Variants in MBNL2 observed in about 807,000 individuals in gnomAD.
The protein encoded by MBNL2 is muscleblind like splicing regulator 2, also known as muscleblind-like protein 2.
In MBNL2, 17 loss-of-function variants were observed where a neutral mutation model predicts 41.9. The ratio of observed to expected loss-of-function variants is 0.41; its 90% CI spans 0.28 to 0.61. The LOEUF is 0.61. Ranked by LOEUF, MBNL2 falls within the 20% of genes least tolerant of loss-of-function variation. MBNL2 has a pLI of 0.35. For missense variants in MBNL2, 336 were observed against 505.6 expected (o/e 0.66, Z 3.22); for synonymous variants, 195 against 182.9 (o/e 1.07, Z -0.53).
At chr13:97,317,941 A>C (rs2153035287) in intron 2 of MBNL2, among the ~76,000 whole-genome samples, 1 of 152,378 alleles carries the variant, frequency 6.6e-6, no homozygotes, top group South Asian at 2.1e-4. Flanking sequence ...CTCAAAGATA[A>C]GAACAGTTTG....
At chr13:97,271,975 G>A (rs891296803) in intron 1 of MBNL2, among the ~76,000 whole-genome samples, 1 of 152,090 alleles carries the variant, frequency 6.6e-6, no homozygotes, top group Non-Finnish European at 1.5e-5. Context: ...GGTGTTTCTG[G>A]TTCTAGATCC....
chr13:97,363,998 G>C (rs1336011774), intron 7 of MBNL2, among the ~76,000 whole-genome samples: 1 of 152,096 alleles, frequency 6.6e-6, no homozygotes, highest in African/African-American at 2.4e-5. Context: ...TACTTCTCAG[G>C]CACCTACATG....
chr13:97,295,290 C>T (rs2056840330), intron 2 of MBNL2, among the ~76,000 whole-genome samples: 1 of 152,004 alleles, frequency 6.6e-6, no homozygotes, highest in Non-Finnish European at 1.5e-5. Context: ...AATAGGTGCA[C>T]ACCTGGGATT....
intron 5 of MBNL2, among the ~76,000 whole-genome samples, chr13:97,351,783 C>T (rs1050799770): frequency 3.3e-5 from 5 of 152,036 alleles, no homozygotes; most frequent in East Asian, 3.9e-4. Flanking sequence ...CAGCACTTTG[C>T]GGGGCAGAGG....
intron 2 of MBNL2, among the ~76,000 whole-genome samples, chr13:97,314,883 T>A (rs2058903674): frequency 6.6e-6 from 1 of 152,224 alleles, no homozygotes; most frequent in Non-Finnish European, 1.5e-5. Flanking sequence ...TAGGTCAAGC[T>A]GTTCAACTCT....
the MBNL2 span, among the ~76,000 whole-genome samples, chr13:97,214,664 C>A: frequency 3.9e-5 from 6 of 152,164 alleles, no homozygotes; most frequent in African/African-American, 1.4e-4. Context: ...ACAGCCCTCA[C>A]CTGCAGCTTA....
At chr13:97,161,027 C>T in the MBNL2 span, among the ~76,000 whole-genome samples, 1 of 152,080 alleles carries the variant, frequency 6.6e-6, no homozygotes, top group Non-Finnish European at 1.5e-5. Flanking sequence ...ATCAGTTCAC[C>T]TGGAAACTTT....
upstream of MBNL2, among the ~76,000 whole-genome samples, chr13:97,218,817 G>A (rs2040626842): frequency 6.6e-6 from 1 of 151,676 alleles, no homozygotes; most frequent in African/African-American, 2.4e-5. Flanking sequence ...GGATCTGTAG[G>A]ACATTGTACC....
intron 1 of MBNL2, among the ~76,000 whole-genome samples, chr13:97,254,947 T>A (rs2047246338): frequency 6.6e-6 from 1 of 152,184 alleles, no homozygotes; most frequent in Non-Finnish European, 1.5e-5. Flanking sequence ...TCATGACCAT[T>A]TCAGGCATTT....
chr13:97,344,562 G>T (rs968715986), intron 4 of MBNL2, among the ~76,000 whole-genome samples: 2 of 152,186 alleles, frequency 1.3e-5, no homozygotes, highest in African/African-American at 4.8e-5. Context: ...ATTTCAAACT[G>T]CAAATATTTT....
chr13:97,235,894 A>G (rs1385634477), intron 1 of MBNL2, among the ~76,000 whole-genome samples: 1 of 152,122 alleles, frequency 6.6e-6, no homozygotes, highest in Non-Finnish European at 1.5e-5. Flanking sequence ...AAAAAAAATC[A>G]AAACCATATG....
At chr13:97,186,006 C>G in the MBNL2 span, among the ~76,000 whole-genome samples, 1 of 152,194 alleles carries the variant, frequency 6.6e-6, no homozygotes, top group Non-Finnish European at 1.5e-5. Context: ...CTATACCCAG[C>G]TCCTCCAGGT....
the MBNL2 span, among the ~76,000 whole-genome samples, chr13:97,191,021 A>G: frequency 6.6e-6 from 1 of 152,056 alleles, no homozygotes; most frequent in Non-Finnish European, 1.5e-5. Flanking sequence ...AAAAAAAATC[A>G]TTTACTTGGA....
Position 97,329,826 on chromosome 13 carries a change from AAC to A in MBNL2, c.175-4429_175-4428del, listed in dbSNP as rs60899519. ...ATACAACATACATGCATACACATGC[AAC>A]ACACACACACACACACACACTTTGA... On this transcript the variant is annotated intron_variant, in intron 2 of 8. Coordinates refer to ENST00000679496, the MANE Select transcript of MBNL2 (RefSeq NM_001382683.1). Among the ~76,000 whole-genome samples, 249 of 149,562 alleles carry A rather than the reference AAC, an allele frequency of 1.7e-3. 1 individual carries two copies. The highest frequency in any genetic ancestry group is 6.8e-3 in the Middle Eastern group (2 of 294).
At chr13:97,267,351 G>A (rs1347231825) in intron 1 of MBNL2, among the ~76,000 whole-genome samples, 1 of 152,242 alleles carries the variant, frequency 6.6e-6, no homozygotes, top group African/African-American at 2.4e-5. Flanking sequence ...AAAATGAAGT[G>A]TCATGTAAGT....
chr13:97,164,852 T>C, the MBNL2 span, among the ~76,000 whole-genome samples: 7 of 152,174 alleles, frequency 4.6e-5, no homozygotes, highest in Non-Finnish European at 2.9e-5. Context: ...TATGAAGATT[T>C]GGTGTGGCCT....
chr13:97,237,626 T>TA (rs2043526833), intron 1 of MBNL2, among the ~76,000 whole-genome samples: 1 of 152,218 alleles, frequency 6.6e-6, no homozygotes, highest in African/African-American at 2.4e-5. Flanking sequence ...GAAGGATAGA[T>TA]AAAATCACAT....
the MBNL2 span, among the ~76,000 whole-genome samples, chr13:97,142,068 G>A: frequency 3.3e-5 from 5 of 152,112 alleles, no homozygotes; most frequent in South Asian, 2.1e-4. Context: ...ACTAGCAACC[G>A]ATAGAAATTG....
the MBNL2 span, among the ~76,000 whole-genome samples, chr13:97,154,457 G>A: frequency 6.6e-6 from 1 of 152,084 alleles, no homozygotes; most frequent in East Asian, 1.9e-4. Context: ...TGGGACTACA[G>A]GCATGCACCA....
Sources: gnomAD v4.1 joint callset for allele counts (sites outside exome capture counted in the v4.1 genomes callset) on GRCh38, gnomAD v4.1.1 for gene constraint, MANE v1.5 for transcripts, NCBI Gene and HGNC (gene_info 2026-07-23, HGNC 2026-07-21) for gene names.